ZBTB20: variants seen among roughly 807,000 people sequenced by gnomAD.
The protein encoded by ZBTB20 is zinc finger and BTB domain containing 20, also known as zinc finger and BTB domain-containing protein 20.
A neutral mutation model predicts 56.9 loss-of-function variants in ZBTB20; 9 were observed. That is an observed-to-expected ratio of 0.16 (90% CI 0.10 to 0.28). The LOEUF (loss-of-function observed/expected upper bound fraction) is 0.28, where lower values mean the gene tolerates loss of function less well. Among genes scored for constraint, ZBTB20 ranks in the 10% least tolerant of loss-of-function variants. The pLI, the probability that ZBTB20 is intolerant of heterozygous loss-of-function variation, is 1.00. For synonymous variants in ZBTB20, 417 were observed against 420.7 expected, an observed-to-expected ratio of 0.99 and a Z score of 0.11; for missense variants, 655 against 1,003.0, an observed-to-expected ratio of 0.65 and a Z score of 4.69.
intron 6 of ZBTB20, among the ~76,000 whole-genome samples, chr3:114,667,559 T>G (rs2061131203): frequency 6.6e-6 from 1 of 152,018 alleles, no homozygotes; most frequent in African/African-American, 2.4e-5. Context: ...TTTGGCTTTT[T>G]AAGAAAATTA....
intron 6 of ZBTB20, among the ~76,000 whole-genome samples, chr3:114,576,312 A>G (rs2054008905): frequency 6.6e-6 from 1 of 151,682 alleles, no homozygotes; most frequent in Non-Finnish European, 1.5e-5. Context: ...ATCCTGGCTA[A>G]CACAGTGAAA....
At chr3:115,094,337 T>G (rs1576763554) in intron 1 of ZBTB20, among the ~76,000 whole-genome samples, 1 of 151,984 alleles carries the variant, frequency 6.6e-6, no homozygotes, top group African/African-American at 2.4e-5. Context: ...AACAAAAAAT[T>G]TATAAAGTCA....
intron 7 of ZBTB20, among the ~76,000 whole-genome samples, chr3:114,446,588 T>C (rs1417251826): frequency 3.3e-5 from 5 of 152,190 alleles, no homozygotes; most frequent in Non-Finnish European, 5.9e-5. Context: ...CTGGACTTTA[T>C]TGAAATCAGT....
chr3:114,438,746 G>T (rs963175818), intron 7 of ZBTB20, among the ~76,000 whole-genome samples: 1 of 152,154 alleles, frequency 6.6e-6, no homozygotes, highest in South Asian at 2.1e-4. Flanking sequence ...AATAAAAAAA[G>T]TAGGGCTCCT....
chr3:114,981,777 G>A (rs922250748), intron 2 of ZBTB20, among the ~76,000 whole-genome samples: 29 of 151,990 alleles, frequency 1.9e-4, no homozygotes, highest in African/African-American at 6.0e-4. Flanking sequence ...TTATGCCCCC[G>A]TCAATCTGGT....
At chr3:114,866,069 A>G (rs1388519150) in intron 4 of ZBTB20, among the ~76,000 whole-genome samples, 1 of 152,176 alleles carries the variant, frequency 6.6e-6, no homozygotes, top group African/African-American at 2.4e-5. Context: ...TCAAATCCCA[A>G]TTTCACCAGT....
rs918047427 is a variant in ZBTB20, at chr3:115,002,961, A to G, written c.-506-28545T>C. Among the ~76,000 whole-genome samples the G allele has an allele frequency of 2.6e-5, 4 of 151,690 alleles. No individual in the cohort carries two copies. The East Asian group carries it at 7.8e-4, about 30-fold the overall frequency. ...ACAAATTTCTACATCCATACAATGG[A>G]AGATTATTCAGCACTAAAGAGAAGT... On this transcript the variant is annotated intron_variant, in intron 2 of 11. Transcript: ENST00000675478.
At chr3:114,521,096 T>A (rs1381823004) in intron 6 of ZBTB20, among the ~76,000 whole-genome samples, 3 of 152,192 alleles carry the variant, frequency 2.0e-5, no homozygotes, top group Non-Finnish European at 4.4e-5. Context: ...TTTACACCTT[T>A]ACCTGTTAAA....
rs138529401 is a variant in ZBTB20 at position 115,094,617 on chromosome 3, T to G, written c.-702-23203A>C. On this transcript the variant is annotated intron_variant, in intron 1 of 11. Coordinates refer to ENST00000675478, the MANE Select transcript of ZBTB20 (RefSeq NM_001348800.3). ...AACATTAATTTTCTCTCAATTACAT[T>G]CCATTTACAGGAAAGAAGTTCATAC... Among the ~76,000 whole-genome samples the G allele has an allele frequency of 2.4e-3, 367 of 151,774 alleles. 1 individual carries two copies. The highest frequency in any genetic ancestry group is 8.5e-3 in the African/African-American group (353 of 41,468).
chr3:114,810,920 G>T (rs555678316), intron 4 of ZBTB20, among the ~76,000 whole-genome samples: 1 of 152,110 alleles, frequency 6.6e-6, no homozygotes, highest in East Asian at 1.9e-4. Flanking sequence ...AGGTTTGGGG[G>T]GGATTAAGAA....
intron 4 of ZBTB20, among the ~76,000 whole-genome samples, chr3:114,855,276 T>G (rs1709061857): frequency 6.6e-6 from 1 of 152,196 alleles, no homozygotes; most frequent in African/African-American, 2.4e-5. Flanking sequence ...ACTACTAGTA[T>G]AGATTGATTT....
chr3:115,064,650 TG>T (rs2082141221), intron 2 of ZBTB20, among the ~76,000 whole-genome samples: 1 of 151,944 alleles, frequency 6.6e-6, no homozygotes, highest in South Asian at 2.1e-4. Flanking sequence ...GGTTTCACCA[TG>T]TTGGTCAGGC....
At chr3:115,060,009 C>T (rs2081959110) in intron 2 of ZBTB20, among the ~76,000 whole-genome samples, 1 of 152,116 alleles carries the variant, frequency 6.6e-6, no homozygotes, top group African/African-American at 2.4e-5. Flanking sequence ...TATCTTCTCA[C>T]CCAAACCACT....
rs766293918 is a variant in ZBTB20, at chr3:115,143,630, A to G, written c.-703+3589T>C. Reference sequence around the variant, plus strand: ...GCTTTTGTTTTACCATACTTTGCTAACGGGATAATACTATGTAGGAATTTT... The same window carrying G: ...GCTTTTGTTTTACCATACTTTGCTAGCGGGATAATACTATGTAGGAATTTT... On this transcript the variant is annotated intron_variant, in intron 1 of 11. Transcript: ENST00000675478. Among the ~76,000 whole-genome samples the G allele has an allele frequency of 4.2e-4, 64 of 152,228 alleles. 1 individual carries two copies. Among genetic ancestry groups the G allele is most frequent in the Non-Finnish European group, 8.2e-4 (56 of 68,034 alleles).
chr3:115,032,782 G>C (rs185933026), intron 2 of ZBTB20, among the ~76,000 whole-genome samples: 533 of 151,004 alleles, frequency 3.5e-3, no homozygotes, highest in Non-Finnish European at 4.9e-3. Flanking sequence ...GATCAAAAAA[G>C]AAATCACAAG....
chr3:114,474,131 C>T (rs1337726137), intron 7 of ZBTB20, among the ~76,000 whole-genome samples: 3 of 152,158 alleles, frequency 2.0e-5, no homozygotes, highest in Non-Finnish European at 2.9e-5. Flanking sequence ...AGACAAGCCC[C>T]CTGATTCAAT....
chr3:114,970,994 A>G (rs2077857671), intron 3 of ZBTB20, among the ~76,000 whole-genome samples: 2 of 151,094 alleles, frequency 1.3e-5, no homozygotes, highest in East Asian at 1.9e-4. Context: ...CAGCCTGGGC[A>G]ACAGAGCGAG....
intron 6 of ZBTB20, among the ~76,000 whole-genome samples, chr3:114,576,181 C>T (rs1419441896): frequency 6.6e-6 from 1 of 152,074 alleles, no homozygotes; most frequent in East Asian, 1.9e-4. Flanking sequence ...TACTCGACTA[C>T]TCTGGACTGC....
intron 8 of ZBTB20, among the ~76,000 whole-genome samples, chr3:114,381,244 TTTTGA>T (rs1242203919): frequency 6.6e-6 from 1 of 152,094 alleles, no homozygotes; most frequent in Non-Finnish European, 1.5e-5. Context: ...CGCCTAAGAT[TTTTGA>T]TTTGGTGCAT....
Sources: gnomAD v4.1 joint callset for allele counts (sites outside exome capture counted in the v4.1 genomes callset) on GRCh38, gnomAD v4.1.1 for gene constraint, MANE v1.5 for transcripts, NCBI Gene and HGNC (gene_info 2026-07-23, HGNC 2026-07-21) for gene names.